UTP20: variants seen among roughly 807,000 people sequenced by gnomAD.
UTP20 encodes UTP20 small subunit processome component, also known as small subunit processome component 20 homolog.
In UTP20, 164 loss-of-function variants were observed where a neutral mutation model predicts 329.5. The ratio of observed to expected loss-of-function variants is 0.50; its 90% confidence interval spans 0.44 to 0.57. The LOEUF (loss-of-function observed/expected upper bound fraction) is 0.57, where lower values mean the gene tolerates loss of function less well. UTP20 is among the 20% of genes least tolerant of loss of function. UTP20 has a pLI of 0.00. For missense variants in UTP20, 3,055 were observed against 3,284.2 expected (o/e 0.93, Z 1.71); for synonymous variants, 1,151 against 1,159.3 (o/e 0.99, Z 0.14).
intron 37 of UTP20, 39 bp downstream of exon 37, chr12:101,345,733 G>A (rs1423248071): frequency 6.4e-7 from 1 of 1,565,850 alleles, no homozygotes; most frequent in Admixed American, 2.0e-5. Context: ...TACGACATAA[G>A]CATACATATT....
chr12:101,290,035 A>G, intron 6 of UTP20, 102 bp from the exon 7 acceptor site: 1 of 912,498 alleles, frequency 1.1e-6, no homozygotes, highest in Non-Finnish European at 1.5e-6. Flanking sequence ...TTTTTTCCTA[A>G]GTATATTTAA....
At chr12:101,300,113 A>T in intron 14 of UTP20, 52 bp downstream of exon 14, 1 of 1,533,602 alleles carries the variant, frequency 6.5e-7, no homozygotes, top group South Asian at 1.1e-5. Context: ...GCACACTCAA[A>T]GTAATTGTAA....
At chr12:101,364,296 A>C (rs1198417185) in intron 45 of UTP20, among the ~76,000 whole-genome samples, 2 of 152,168 alleles carry the variant, frequency 1.3e-5, no homozygotes, top group African/African-American at 4.8e-5. Context: ...TTAGGAGTAA[A>C]TATATATTAG....
chr12:101,375,700 A>C lies in UTP20; in HGVS notation c.7340A>C (p.Lys2447Thr). 6.2e-7 allele frequency: 1 copy of C among 1,603,354 alleles called. No homozygotes were observed. The highest frequency in any genetic ancestry group is 2.2e-5 in the East Asian group (1 of 44,788). The change falls in exon 56 of 62, where the codon AAG (lysine) becomes ACG (threonine). Residue 2447 changes from lysine to threonine, a missense_variant. Around this residue, in one of 3 missense-constraint regions of UTP20, gnomAD observed 273 missense variants for 363.1 expected, o/e 0.75. Transcript: ENST00000261637. ...CTTACACTGATAACTAAACTTATCA[A>C]GGAATGTAATATTATTCAGTTTACC... ...SFLTLITKLI[K>T]ECNIIQFTKP...
In UTP20 at chr12:101,344,934, C is replaced by CTT. The variant is rs11417670; in HGVS notation, c.4605+212_4605+213dup. 3.4e-3 allele frequency among the ~76,000 whole-genome samples: 207 copies of CTT among 61,564 alleles called. 20 individuals are homozygous for CTT. Among genetic ancestry groups the CTT allele is most frequent in the Middle Eastern group, 0.017 (1 of 60 alleles). 40.4% of individuals were successfully genotyped at this position (61,564 alleles called of 152,430 possible). ...CTAGAAAGGAGAGCACTTTTTTTTG[C>CTT]TTTTTTTTTTTTTTTTTTTTTTTTT... On this transcript the variant is annotated intron_variant, in intron 36 of 61. Transcript: ENST00000261637.
intron 11 of UTP20, among the ~76,000 whole-genome samples, 199 bp from the exon 12 acceptor site, chr12:101,295,281 A>G (rs926790089): frequency 6.6e-6 from 1 of 152,200 alleles, no homozygotes; most frequent in African/African-American, 2.4e-5. Flanking sequence ...GACAGGGTAT[A>G]GAATTCTAGA....
rs747840182 is a variant in UTP20 at position 101,356,722 on chromosome 12, G to A, written c.5534+29G>A. The A allele has an allele frequency of 7.6e-6, 12 of 1,583,884 alleles. No individual in the cohort carries two copies. The African/African-American group carries it at 1.5e-4, about 20-fold the overall frequency. On this transcript the variant is annotated intron_variant, in intron 42 of 61. Coordinates refer to ENST00000261637, the MANE Select transcript of UTP20 (RefSeq NM_014503.3). ...TGTTTTTTAACAAATTAGAAGTTTA[G>A]TGAAACTCAAAAATTGGTTCTTTTC...
At chr12:101,304,231 C>A (rs1228532246) in intron 15 of UTP20, among the ~76,000 whole-genome samples, 1 of 152,158 alleles carries the variant, frequency 6.6e-6, no homozygotes, top group African/African-American at 2.4e-5. Context: ...CTAGGTTTCA[C>A]AGCCAAGACT....
At chr12:101,368,563 ACC>A (rs1870175948) in intron 48 of UTP20, among the ~76,000 whole-genome samples, 1 of 152,144 alleles carries the variant, frequency 6.6e-6, no homozygotes. Flanking sequence ...CCTCCTAGGT[ACC>A]TTAAGTATGT....
At chr12:101,303,617 C>T (rs927121015) in intron 15 of UTP20, among the ~76,000 whole-genome samples, 3 of 152,082 alleles carry the variant, frequency 2.0e-5, no homozygotes, top group South Asian at 4.2e-4. Context: ...GAGCAGAGCA[C>T]GAGAGTGGGC....
rs1869091775 is a variant in UTP20, at chr12:101,340,627, CACTTA to C, written c.4101+22_4101+26del. On this transcript the variant is annotated intron_variant, in intron 32 of 61. Coordinates refer to ENST00000261637, the MANE Select transcript of UTP20 (RefSeq NM_014503.3). Reference sequence around the variant, plus strand: ...ATTGCTGAGGTACAAACTCATAGGACACTTAACTTTGTCTCTAGAGTGGCACTTTA... The same window carrying C: ...ATTGCTGAGGTACAAACTCATAGGACACTTTGTCTCTAGAGTGGCACTTTA... 1 of 1,550,202 alleles carries C rather than the reference CACTTA, an allele frequency of 6.5e-7. No homozygotes were observed. The highest frequency in any genetic ancestry group is 8.9e-7 in the Non-Finnish European group (1 of 1,126,812).
In UTP20 at chr12:101,286,452, C is replaced by A. The variant is rs749723360; in HGVS notation, c.458C>A (p.Ser153Ter). ...ELLEWAFTSLSYLYKYLWRLM... is the reference protein window; with the variant it reads ...ELLEWAFTSL ...TTAGAATGGGCTTTCACCTCGTTAT[C>A]ATATCTTTATAAGTACCTGTGGAGA... The change falls in exon 5 of 62, where the codon TCA (serine) becomes TAA (stop). Residue 153 changes from serine (S) to a stop codon, truncating the protein, a stop_gained. Transcript: ENST00000261637. LOFTEE classifies it high-confidence loss of function. 1.2e-6 allele frequency: 2 copies of A among 1,613,946 alleles called. No homozygotes were observed. The highest frequency in any genetic ancestry group is 8.5e-7 in the Non-Finnish European group (1 of 1,179,934).
At position 101,345,576 on chromosome 12, in the gene UTP20, C is replaced by T. The variant is rs1447512117; in HGVS notation, c.4628C>T (p.Thr1543Ile). ...CAGAGTATTCAGCAGGATTATACCA[C>T]AATACTTTCCTGTTTAATTCAAACC... Reference protein sequence around the residue: ...QTESIQQDYTTILSCLIQTFP... With the variant: ...QTESIQQDYTIILSCLIQTFP... Residue 1543 changes from threonine (T) to isoleucine (I), a missense_variant, in exon 37 of 62, where the codon ACA becomes ATA. Physicochemically the swap from Thr to Ile is moderately conservative, Grantham distance 89. This residue lies in a region of UTP20 where 2,445 missense variants were observed against 2,575.5 expected (regional missense o/e 0.95). Coordinates refer to ENST00000261637, the MANE Select transcript of UTP20 (RefSeq NM_014503.3). 4 of 1,598,402 alleles carry T rather than the reference C, an allele frequency of 2.5e-6. No individual in the cohort carries two copies. The highest frequency in any genetic ancestry group is 2.2e-5 in the East Asian group (1 of 44,664).
intron 25 of UTP20, 104 bp downstream of exon 25, chr12:101,321,733 T>C (rs1180140968): frequency 3.6e-6 from 5 of 1,392,512 alleles, no homozygotes; most frequent in Non-Finnish European, 4.8e-6. Context: ...ATATTTCATT[T>C]TCTATTTTCT....
At chr12:101,361,628 AAAATAAAT>A (rs60016529) in intron 43 of UTP20, among the ~76,000 whole-genome samples, 4,487 of 139,080 alleles carry the variant, frequency 0.032, 168 homozygotes, top group African/African-American at 0.087. Flanking sequence ...CTCTGTCTCA[AAAATAAAT>A]AAATAAATAA....
chr12:101,324,378 C>T (rs1489407067), intron 25 of UTP20, among the ~76,000 whole-genome samples: 2 of 151,916 alleles, frequency 1.3e-5, no homozygotes, highest in East Asian at 2.0e-4. Context: ...CCTGGGACTA[C>T]AGGCACGTGC....
intron 25 of UTP20, 82 bp from the exon 26 acceptor site, chr12:101,326,999 C>T: frequency 1.5e-6 from 2 of 1,363,098 alleles, no homozygotes; most frequent in Non-Finnish European, 2.0e-6. Context: ...TATTGAGTTG[C>T]TCTTCTAGCC....
intron 33 of UTP20, 93 bp from the exon 34 acceptor site, chr12:101,342,694 A>G: frequency 1.3e-6 from 2 of 1,525,354 alleles, no homozygotes; most frequent in Admixed American, 3.8e-5. Flanking sequence ...ATGTTTTTAT[A>G]TGAATTTGAA....
chr12:101,293,292 A>G (rs1428963075), intron 11 of UTP20, 47 bp downstream of exon 11: 2 of 1,550,892 alleles, frequency 1.3e-6, no homozygotes, highest in African/African-American at 2.7e-5. Flanking sequence ...CAAATCTGTC[A>G]GGAAAAAACG....
Sources: gnomAD v4.1 joint callset for allele counts (sites outside exome capture counted in the v4.1 genomes callset) on GRCh38, gnomAD v4.1.1 for gene constraint, gnomAD v4.1.1 regional missense constraint, MANE v1.5 for transcripts, NCBI Gene and HGNC (gene_info 2026-07-23, HGNC 2026-07-21) for gene names.